Variants in PVT1 observed in about 807,000 individuals in gnomAD.
PVT1 encodes Pvt1 oncogene, also known as CXCR4/PVT1 fusion.
chr8:127,913,141 C>T (rs1198699172), intron 3 of PVT1, among the ~76,000 whole-genome samples: 2 of 152,128 alleles, frequency 1.3e-5, no homozygotes, highest in East Asian at 1.9e-4. Context: ...TGAGCCACCA[C>T]GCTTGGCCTC....
chr8:127,854,357 C>T (rs1054016977), intron 2 of PVT1, among the ~76,000 whole-genome samples: 1 of 152,192 alleles, frequency 6.6e-6, no homozygotes, highest in African/African-American at 2.4e-5. Context: ...CCTGGCTCTG[C>T]GCTGGGCCGC....
At chr8:127,852,286 T>C (rs1746607348) in intron 2 of PVT1, 1 of 152,270 alleles carries the variant, frequency 6.6e-6, no homozygotes, top group African/African-American at 2.4e-5. Context: ...TGCTGAAGCC[T>C]GTGGGAGCCT....
At chr8:128,077,020 G>A (rs765156986) in intron 5 of PVT1, among the ~76,000 whole-genome samples, 2 of 152,198 alleles carry the variant, frequency 1.3e-5, no homozygotes, top group South Asian at 2.1e-4. Flanking sequence ...GGACCACAGA[G>A]GTCACAGGAT....
At chr8:127,928,479 C>A (rs1314251980) in intron 3 of PVT1, among the ~76,000 whole-genome samples, 1 of 152,228 alleles carries the variant, frequency 6.6e-6, no homozygotes, top group East Asian at 1.9e-4. Context: ...ATCTGCTCTG[C>A]TCTGCCAGAG....
intron 2 of PVT1, among the ~76,000 whole-genome samples, chr8:127,847,262 C>T (rs182305273): frequency 5.5e-4 from 84 of 151,682 alleles, no homozygotes; most frequent in African/African-American, 1.9e-3. Context: ...GTTGCTCTAC[C>T]CAATCCTAAA....
chr8:127,938,377 G>A (rs1426681101), intron 3 of PVT1, among the ~76,000 whole-genome samples: 1 of 152,152 alleles, frequency 6.6e-6, no homozygotes, highest in Non-Finnish European at 1.5e-5. Context: ...CCAGAGATGA[G>A]GCTTACTCAT....
At chr8:127,816,290 C>T (rs535944022) in intron 2 of PVT1, among the ~76,000 whole-genome samples, 1 of 152,228 alleles carries the variant, frequency 6.6e-6, no homozygotes, top group African/African-American at 2.4e-5. Context: ...CCCCTGCCCC[C>T]GAGCATTCTC....
At chr8:128,087,748 T>TTG (rs1814277543) in intron 5 of PVT1, among the ~76,000 whole-genome samples, 1 of 34,664 alleles carries the variant, frequency 2.9e-5, no homozygotes, top group African/African-American at 1.7e-4. Context: ...GATGTGCTAC[T>TTG]TTTTTTTTTT....
intron 3 of PVT1, chr8:127,932,815 C>T (rs1306795970): frequency 4.8e-5 from 13 of 272,964 alleles, no homozygotes; most frequent in Non-Finnish European, 1.4e-5. Flanking sequence ...CACACACACA[C>T]GTACATGCAT....
chr8:127,871,144 CG>C (rs1463409079), intron 2 of PVT1, among the ~76,000 whole-genome samples: 1 of 152,206 alleles, frequency 6.6e-6, no homozygotes, highest in Admixed American at 6.5e-5. Context: ...ATCTAAAACA[CG>C]CAATGCAGAG....
At chr8:127,905,258 C>T (rs1342664021) in intron 3 of PVT1, among the ~76,000 whole-genome samples, 6 of 151,916 alleles carry the variant, frequency 3.9e-5, no homozygotes, top group Admixed American at 2.0e-4. Context: ...TTCTCTCTCC[C>T]ACTCAGGAAC....
At chr8:127,941,054 A>G (rs1329370832) in intron 3 of PVT1, among the ~76,000 whole-genome samples, 1 of 152,180 alleles carries the variant, frequency 6.6e-6, no homozygotes, top group Non-Finnish European at 1.5e-5. Context: ...TTGAGGTTGT[A>G]GGGCTGAGAT....
chr8:128,007,471 G>A (rs1353511088), intron 4 of PVT1, among the ~76,000 whole-genome samples: 2 of 151,686 alleles, frequency 1.3e-5, no homozygotes, highest in African/African-American at 2.4e-5. Context: ...AGATTTATAT[G>A]TACTAATATG....
In PVT1 at chr8:127,805,514, G is replaced by A. The variant is rs142433513; in HGVS notation, n.372+9443G>A. 3.9e-3 allele frequency among the ~76,000 whole-genome samples: 599 copies of A among 152,220 alleles called. 3 individuals carry two copies. The highest frequency in any genetic ancestry group is 6.2e-3 in the South Asian group (30 of 4,826). ...AGGCACGTGATGTTTTTTGCTGTCC[G>A]TGATGCACTAACATGTCATTAACAT... is the stretch of plus-strand genomic sequence containing the variant. On this transcript the variant is annotated intron_variant and non_coding_transcript_variant, in intron 2 of 10. Transcript: ENST00000651587.
At chr8:128,003,292 T>C (rs1195010247) in intron 4 of PVT1, among the ~76,000 whole-genome samples, 2 of 139,534 alleles carry the variant, frequency 1.4e-5, no homozygotes, top group African/African-American at 5.3e-5. Context: ...TCTTCTCCTC[T>C]CCTCTCTTAC....
At chr8:127,933,758 G>A (rs996645771) in intron 3 of PVT1, among the ~76,000 whole-genome samples, 1 of 152,216 alleles carries the variant, frequency 6.6e-6, no homozygotes, top group African/African-American at 2.4e-5. Context: ...CCAAGGCAGT[G>A]TAAGAGCCTG....
At chr8:128,063,714 G>A (rs1813861715) in intron 4 of PVT1, among the ~76,000 whole-genome samples, 1 of 152,138 alleles carries the variant, frequency 6.6e-6, no homozygotes, top group Admixed American at 6.5e-5. Context: ...AGTCTGGGGA[G>A]GGGGTTGGGG....
chr8:128,054,035 C>T (rs1036174320), intron 4 of PVT1, among the ~76,000 whole-genome samples: 2 of 152,242 alleles, frequency 1.3e-5, no homozygotes, highest in African/African-American at 2.4e-5. Flanking sequence ...GTGATAACCT[C>T]TTGCCAGTCT....
intron 3 of PVT1, among the ~76,000 whole-genome samples, chr8:127,984,879 T>TTCTTTC (rs1554602113): frequency 3.6e-4 from 32 of 87,990 alleles, no homozygotes; most frequent in South Asian, 2.2e-3. Context: ...CTTTCTTTCT[T>TTCTTTC]TCTTTCTTTC....
Sources: gnomAD v4.1 joint callset for allele counts (sites outside exome capture counted in the v4.1 genomes callset) on GRCh38, gnomAD v4.1.1 for gene constraint, MANE v1.5 for transcripts, NCBI Gene and HGNC (gene_info 2026-07-23, HGNC 2026-07-21) for gene names.